The following P2RX7 variants were observed in gnomAD, a reference collection of about 807,000 sequenced individuals.
The protein encoded by P2RX7 is P2X purinoceptor 7.
In P2RX7, 62 loss-of-function variants were observed where a neutral mutation model predicts 71.6. The ratio of observed to expected loss-of-function variants is 0.87; its 90% confidence interval spans 0.71 to 1.07. P2RX7 has a LOEUF of 1.07. Ranked by LOEUF, P2RX7 falls within the 50% of genes least tolerant of loss-of-function variation. P2RX7 has a pLI of 0.00. For synonymous variants in P2RX7, 299 were observed against 283.3 expected (o/e 1.06, Z -0.56); for missense variants, 686 against 748.5 (o/e 0.92, Z 0.97).
intron 5 of P2RX7, 148 bp from the exon 6 acceptor site, chr12:121,165,209 T>C (rs947663282): frequency 1.6e-6 from 1 of 610,038 alleles, no homozygotes; most frequent in African/African-American, 1.8e-5. Context: ...AGTTTCAGAA[T>C]GCTTTGCCCA....
At chr12:121,171,865 T>TCTTTC (rs1555228394) in intron 8 of P2RX7, among the ~76,000 whole-genome samples, 2 of 143,472 alleles carry the variant, frequency 1.4e-5, no homozygotes, top group Non-Finnish European at 3.1e-5. Context: ...TTTCTTTCTT[T>TCTTTC]TTTTTTTTTT....
intron 1 of P2RX7, among the ~76,000 whole-genome samples, chr12:121,151,289 C>A (rs1877350759): frequency 6.6e-6 from 1 of 151,940 alleles, no homozygotes; most frequent in South Asian, 2.1e-4. Context: ...ACTCTATCAC[C>A]CAGGCTGGAG....
rs949287547 is a variant in P2RX7 at position 121,180,547 on chromosome 12, T to C, written c.1290+92T>C. 3.3e-5 allele frequency: 20 copies of C among 613,344 alleles called. No homozygotes were observed. The East Asian group carries it at 5.9e-4, about 18-fold the overall frequency. 38.0% of individuals were successfully genotyped at this position (613,344 alleles called of 1,614,324 possible). On this transcript the variant is annotated intron_variant, in intron 12 of 12. Transcript: ENST00000328963. Reference sequence around the variant, plus strand: ...AGAAACTTGTACAAATCAAAACTGATGGATTTTAACAAAGTAAACATACTC... The same window carrying C: ...AGAAACTTGTACAAATCAAAACTGACGGATTTTAACAAAGTAAACATACTC...
intron 5 of P2RX7, among the ~76,000 whole-genome samples, chr12:121,164,488 A>G (rs567130178): frequency 1.2e-4 from 18 of 152,296 alleles, no homozygotes; most frequent in South Asian, 6.2e-4. Flanking sequence ...TTCTCACACA[A>G]AGAACTACCT....
In P2RX7 at chr12:121,165,454, C is replaced by T; in HGVS notation, c.614+17C>T. 4 of 1,603,576 alleles carry T rather than the reference C, an allele frequency of 2.5e-6. No homozygotes were observed. Among genetic ancestry groups the T allele is most frequent in the Non-Finnish European group, 3.4e-6 (4 of 1,170,452 alleles). Reference sequence around the variant, plus strand: ...CTACACCACGTAAGTGCCCAGGCTGCCTGGCTGTCTTAGTTATCTACTGCT... The same window carrying T: ...CTACACCACGTAAGTGCCCAGGCTGTCTGGCTGTCTTAGTTATCTACTGCT... On this transcript the variant is annotated intron_variant, in intron 6 of 12. Coordinates refer to ENST00000328963, the MANE Select transcript of P2RX7 (RefSeq NM_002562.6).
At position 121,180,460 on chromosome 12, in the gene P2RX7, G is replaced by A. The variant is rs767124729; in HGVS notation, c.1290+5G>A. On this transcript the variant is annotated splice_donor_5th_base_variant and intron_variant, in intron 12 of 12. Transcript: ENST00000328963. The stretch of plus-strand genomic sequence containing the variant: ...GTCAAGGGCCAAGAAGTCCCAGTAA[G>A]TTAAATCATTTTGTCTTTTTTTTTT... 2 of 1,412,236 alleles carry A rather than the reference G, an allele frequency of 1.4e-6. No homozygotes were observed. Among genetic ancestry groups the A allele is most frequent in the Non-Finnish European group, 2.0e-6 (2 of 1,025,226 alleles). 87.5% of individuals were successfully genotyped at this position (1,412,236 alleles called of 1,614,324 possible). A position where few individuals can be genotyped will look rare whatever the true frequency, so the allele number is the denominator to read the frequency against.
chr12:121,163,327 TACAC>T (rs113687409), intron 5 of P2RX7, among the ~76,000 whole-genome samples: 33,698 of 145,102 alleles, frequency 0.23, 4,330 homozygotes, highest in East Asian at 0.37. Context: ...ATGCCTGGCT[TACAC>T]ACACACACAC....
rs140940661 is a variant in P2RX7, at chr12:121,165,014, A to G, written c.534-343A>G. Among the ~76,000 whole-genome samples, 479 of 152,172 alleles carry G rather than the reference A, an allele frequency of 3.1e-3. 2 individuals carry two copies. The highest frequency in any genetic ancestry group is 5.4e-3 in the Non-Finnish European group (370 of 67,988). ...GATCAGATCTCGTGAGAACTCACTC[A>G]CTATCACAAGAACAGCAAGGAGGAA... On this transcript the variant is annotated intron_variant, in intron 5 of 12. Coordinates refer to ENST00000328963, the MANE Select transcript of P2RX7 (RefSeq NM_002562.6).
chr12:121,137,647 A>C (rs1873974164), intron 1 of P2RX7, among the ~76,000 whole-genome samples: 1 of 152,224 alleles, frequency 6.6e-6, no homozygotes, highest in African/African-American at 2.4e-5. Context: ...ACAGTTTGGG[A>C]AATGCTGCCT....
chr12:121,151,542 C>T (rs929366861), intron 1 of P2RX7, among the ~76,000 whole-genome samples: 2 of 152,140 alleles, frequency 1.3e-5, no homozygotes, highest in Non-Finnish European at 1.5e-5. Flanking sequence ...CTGAATTTGA[C>T]ATTTTTAATT....
intron 1 of P2RX7, among the ~76,000 whole-genome samples, chr12:121,137,815 A>T (rs1337190938): frequency 6.6e-6 from 1 of 152,252 alleles, no homozygotes; most frequent in Non-Finnish European, 1.5e-5. Context: ...AGCAATGTTC[A>T]GGATACAGCA....
chr12:121,142,979 A>T (rs1448676309), intron 1 of P2RX7, among the ~76,000 whole-genome samples: 1 of 151,346 alleles, frequency 6.6e-6, no homozygotes, highest in Non-Finnish European at 1.5e-5. Context: ...TACTCAGGAG[A>T]CTGAGGCAAA....
At chr12:121,147,276 C>T (rs1380425379) in intron 1 of P2RX7, among the ~76,000 whole-genome samples, 4 of 152,318 alleles carry the variant, frequency 2.6e-5, no homozygotes, top group South Asian at 4.1e-4. Context: ...GTTTATTCAG[C>T]TATTAAGTGG....
intron 1 of P2RX7, among the ~76,000 whole-genome samples, chr12:121,144,276 C>T (rs891057624): frequency 1.3e-5 from 2 of 152,198 alleles, no homozygotes; most frequent in East Asian, 1.9e-4. Context: ...CGCCTCACTT[C>T]GACCTCTACC....
In P2RX7 at chr12:121,187,465, A is replaced by G. The variant is rs1884990016; in HGVS notation, c.*2663A>G. 1 of 152,174 alleles carries G rather than the reference A, an allele frequency of 6.6e-6. No homozygotes were observed. Among genetic ancestry groups the G allele is most frequent in the Non-Finnish European group, 1.5e-5 (1 of 68,032 alleles). The allele number at this position is 152,174 out of a possible 1,614,324, so 9.4% of individuals were successfully genotyped here. A position where few individuals can be genotyped will look rare whatever the true frequency, so the allele number is the denominator to read the frequency against. On this transcript the variant is annotated 3_prime_UTR_variant, in exon 13 of 13. Transcript: ENST00000328963. Reference sequence around the variant, plus strand: ...TACATTTCTTTACTTCACGAATTCTATGTCACTGTTACAAGTTTCCATTCT... The same window carrying G: ...TACATTTCTTTACTTCACGAATTCTGTGTCACTGTTACAAGTTTCCATTCT...
chr12:121,166,261 C>G, intron 7 of P2RX7, 74 bp downstream of exon 7: 1 of 1,499,330 alleles, frequency 6.7e-7, no homozygotes, highest in South Asian at 1.2e-5. Flanking sequence ...GCCAAGAGGC[C>G]GGGCCACTGG....
At chr12:121,148,229 T>TTTATTTAA (rs1275199089) in intron 1 of P2RX7, among the ~76,000 whole-genome samples, 1 of 148,610 alleles carries the variant, frequency 6.7e-6, no homozygotes, top group Non-Finnish European at 1.5e-5. Flanking sequence ...TATTTATTTA[T>TTTATTTAA]TTTGAGACAG....
chr12:121,138,049 G>A (rs568250878), intron 1 of P2RX7, among the ~76,000 whole-genome samples: 1 of 152,246 alleles, frequency 6.6e-6, no homozygotes, highest in South Asian at 2.1e-4. Context: ...TTGGAGGTCT[G>A]TGTAGATAGG....
chr12:121,154,517 TG>T lies in P2RX7; in HGVS notation c.126-263del, dbSNP rs1351097257. ...GTTAGGGAATATTAAAGAATAGGAT[TG>T]GGGGCAGTAGCTTTCCTGTAGCAAG... On this transcript the variant is annotated intron_variant, in intron 1 of 12. Transcript: ENST00000328963. The surrounding 1 kb of genome is among the most constrained non-coding windows in gnomAD (Gnocchi z 4.2). 2.0e-5 allele frequency among the ~76,000 whole-genome samples: 3 copies of T among 152,090 alleles called. No homozygotes were observed. The highest frequency in any genetic ancestry group is 7.2e-5 in the African/African-American group (3 of 41,392).
Sources: gnomAD v4.1 joint callset for allele counts (sites outside exome capture counted in the v4.1 genomes callset) on GRCh38, gnomAD v4.1.1 for gene constraint, Gnocchi (gnomAD v3.1) non-coding constraint, MANE v1.5 for transcripts, NCBI Gene and HGNC (gene_info 2026-07-23, HGNC 2026-07-21) for gene names.